The following CIC variants were observed in gnomAD, a reference collection of about 807,000 sequenced individuals.
CIC encodes capicua transcriptional repressor.
CIC carries 18 observed loss-of-function variants against 115.7 expected under a neutral mutation model. That is an observed-to-expected ratio of 0.16 (90% CI 0.11 to 0.23). The LOEUF is 0.23. CIC is among the 10% of genes least tolerant of loss of function. The probability of loss-of-function intolerance (pLI) is 1.00; values close to 1 mark genes in which losing one functional copy is unlikely to be tolerated. For missense variants in CIC, 2,000 were observed against 2,159.3 expected (o/e 0.93, Z 1.46); for synonymous variants, 1,076 against 923.0 (o/e 1.17, Z -3.01).
chr19:42,293,284 G>A lies in CIC; in HGVS notation c.6522+3G>A, dbSNP rs1268810713. On this transcript the variant is annotated splice_donor_region_variant and intron_variant, in intron 16 of 20. Transcript: ENST00000681038. Reference sequence around the variant, plus strand: ...GCGCCAAGGGCCCTGAGACCATGGTGAGCGCCTGCAGGCCGTGGGGCTCCC... The same window carrying A: ...GCGCCAAGGGCCCTGAGACCATGGTAAGCGCCTGCAGGCCGTGGGGCTCCC... 2.6e-6 allele frequency: 4 copies of A among 1,568,590 alleles called. No homozygotes were observed. The highest frequency in any genetic ancestry group is 3.4e-6 in the Non-Finnish European group (4 of 1,160,250).
intron 2 of CIC, among the ~76,000 whole-genome samples, chr19:42,283,032 T>C (rs1263333138): frequency 6.6e-6 from 1 of 152,126 alleles, no homozygotes; most frequent in Non-Finnish European, 1.5e-5. Context: ...CGGTGGCCAC[T>C]GAGCTCTGTA....
Position 42,291,445 on chromosome 19 carries a change from C to T in CIC, c.5404C>T (p.Pro1802Ser), listed in dbSNP as rs142397024. The change falls in exon 11 of 21, where the codon CCC becomes TCC. Residue 1802 changes from proline (P) to serine (S), a missense_variant. Physicochemically the swap from Pro to Ser is moderately conservative, Grantham distance 74 (BLOSUM62 -1). Around this residue, in one of 8 missense-constraint regions of CIC, gnomAD observed 1,466 missense variants for 1,390.4 expected, o/e 1.05. Transcript: ENST00000681038. ...TGGCATCCCCATCCTGCAGTCTGTA[C>T]CCTCCGCCCCACCCCCCAAAGGTGA... ...TPGIPILQSVPSAPPPKAQSV... is the reference protein window; with the variant it reads ...TPGIPILQSVSSAPPPKAQSV... 1.1e-4 allele frequency: 185 copies of T among 1,613,080 alleles called. No homozygotes were observed. The African/African-American group carries it at 2.2e-3, about 19-fold the overall frequency.
intron 9 of CIC, 72 bp downstream of exon 9, chr19:42,289,478 G>C: frequency 6.8e-7 from 1 of 1,480,518 alleles, no homozygotes; most frequent in East Asian, 2.5e-5. Context: ...GCAGAACTTG[G>C]ATCCAGGCCC....
intron 2 of CIC, among the ~76,000 whole-genome samples, chr19:42,275,112 T>C (rs553089384): frequency 6.6e-6 from 1 of 152,328 alleles, no homozygotes; most frequent in South Asian, 2.1e-4. Context: ...GGTCATAATT[T>C]GTCCAGGGTT....
At position 42,280,667 on chromosome 19, in the gene CIC, G is replaced by A. The variant is rs1226134804; in HGVS notation, c.2794+6090G>A. Among the ~76,000 whole-genome samples the A allele has an allele frequency of 3.3e-5, 5 of 152,102 alleles. No homozygotes were observed. Among genetic ancestry groups the A allele is most frequent in the Admixed American group, 6.5e-5 (1 of 15,280 alleles). ...GGCCCGCGTGGGTGTCAGGCCGGCC[G>A]GGCACCCGTCCGCCCTCCCTGCACA... On this transcript the variant is annotated intron_variant, in intron 2 of 20. Coordinates refer to ENST00000681038, the MANE Select transcript of CIC (RefSeq NM_001386298.1). The surrounding 1 kb of genome is among the most constrained non-coding windows in gnomAD (Gnocchi z 4.9).
Position 42,288,914 on chromosome 19 carries a change from G to T in CIC, c.3685G>T (p.Ala1229Ser), listed in dbSNP as rs1243910949. The T allele has an allele frequency of 1.2e-6, 2 of 1,614,106 alleles. No individual in the cohort carries two copies. Among genetic ancestry groups the T allele is most frequent in the Non-Finnish European group, 8.5e-7 (1 of 1,180,038 alleles). ...GTCCTCTGAGCTCCTGTCCGTTGCAGCCCAGACACTCCTGAGCTCAGACAC... is the reference window on the plus strand; with the variant it reads ...GTCCTCTGAGCTCCTGTCCGTTGCATCCCAGACACTCCTGAGCTCAGACAC... The part of the protein sequence containing the change: ...GVSSELLSVA[A>S]QTLLSSDTKA... Residue 1229 changes from alanine (A) to serine (S), a missense_variant, in exon 8 of 21, where the codon GCC (alanine) becomes TCC (serine). Coordinates refer to ENST00000681038, the MANE Select transcript of CIC (RefSeq NM_001386298.1).
upstream of CIC, among the ~76,000 whole-genome samples, chr19:42,268,800 T>C (rs191530095): frequency 5.9e-5 from 9 of 152,212 alleles, no homozygotes; most frequent in African/African-American, 1.2e-4. Context: ...GACTAGCCGG[T>C]CAACAAACGT....
intron 9 of CIC, 61 bp from the exon 10 acceptor site, chr19:42,289,787 G>A: frequency 7.2e-7 from 1 of 1,382,504 alleles, no homozygotes; most frequent in Non-Finnish European, 1.0e-6. Flanking sequence ...GCTCCAGACT[G>A]TTTCTCCTGG....
At chr19:42,277,943 A>G (rs1351681397) in intron 2 of CIC, among the ~76,000 whole-genome samples, 12 of 152,330 alleles carry the variant, frequency 7.9e-5, no homozygotes, top group East Asian at 1.9e-4. Context: ...CCTTCTCCCC[A>G]TGGGGCCCAG....
rs1465313967 is a variant in CIC at position 42,289,925 on chromosome 19, T to C, written c.4165T>C (p.Ser1389Pro). ...GACCGACAGCGAGAGTGGGGACAGC[T>C]CTGGGGAGGACCCAGAGGGCAACAA... is the stretch of plus-strand genomic sequence containing the variant. ...RVTDSESGDS[S>P]GEDPEGNKGF... is the part of the protein sequence containing the mutation. The change falls in exon 10 of 21, where the codon TCT becomes CCT. Residue 1389 changes from serine to proline, a missense_variant. By Grantham distance (74) the Ser-to-Pro change is moderately conservative (BLOSUM62 -1). This residue lies in a region of CIC where 1,466 missense variants were observed against 1,390.4 expected (regional missense o/e 1.05). Transcript: ENST00000681038. The C allele has an allele frequency of 6.2e-7, 1 of 1,608,398 alleles. No individual in the cohort carries two copies. Among genetic ancestry groups the C allele is most frequent in the Admixed American group, 1.7e-5 (1 of 59,082 alleles).
chr19:42,289,276 G>A lies in CIC; in HGVS notation c.3957G>A (p.Leu1319=), dbSNP rs1380031267. 2 of 1,613,786 alleles carry A rather than the reference G, an allele frequency of 1.2e-6. No homozygotes were observed. Among genetic ancestry groups the A allele is most frequent in the African/African-American group, 2.7e-5 (2 of 75,056 alleles). Residue 1319 remains leucine, a synonymous_variant, in exon 9 of 21, where the codon TTG becomes TTA. Coordinates refer to ENST00000681038, the MANE Select transcript of CIC (RefSeq NM_001386298.1). ...PFAAPGEGGA[L]AATGRPPLLP... ...CAGCCCCTGGTGAGGGAGGTGCCTTGGCGGCCACTGGGCGGCCCCCGCTGC... is the reference window on the plus strand; with the variant it reads ...CAGCCCCTGGTGAGGGAGGTGCCTTAGCGGCCACTGGGCGGCCCCCGCTGC...
In CIC at chr19:42,291,614, C is replaced by T. The variant is rs1568519274; in HGVS notation, c.5482C>T (p.Pro1828Ser). The T allele has an allele frequency of 1.9e-6, 3 of 1,613,020 alleles. No individual in the cohort carries two copies. The highest frequency in any genetic ancestry group is 2.5e-6 in the Non-Finnish European group (3 of 1,180,006). ...CCCGGGTGGCTCAGCCCAGCTGCTG[C>T]CTGGGAAGGTCCTAGTGCCTCTGGC... The part of the protein sequence containing the change: ...PPPGGSAQLL[P>S]GKVLVPLAAP... The change falls in exon 12 of 21, where the codon CCT (proline) becomes TCT (serine). Residue 1828 changes from proline to serine, a missense_variant. This residue lies in a region of CIC where 1,466 missense variants were observed against 1,390.4 expected (regional missense o/e 1.05). Coordinates refer to ENST00000681038, the MANE Select transcript of CIC (RefSeq NM_001386298.1).
rs1026417482 is a variant in CIC at position 42,280,589 on chromosome 19, C to G, written c.2794+6012C>G. Among the ~76,000 whole-genome samples, 5 of 152,096 alleles carry G rather than the reference C, an allele frequency of 3.3e-5. No individual in the cohort carries two copies. Among genetic ancestry groups the G allele is most frequent in the African/African-American group, 1.2e-4 (5 of 41,428 alleles). On this transcript the variant is annotated intron_variant, in intron 2 of 20. Transcript: ENST00000681038. The surrounding 1 kb of genome is among the most constrained non-coding windows in gnomAD (Gnocchi z 4.9). ...CCGCGTCCTCGGGCTGGGTGGGGTA[C>G]CCTCCCTCCCACCGCAGACAGCTCG...
In CIC at chr19:42,289,914, G is replaced by A. The variant is rs1464983496; in HGVS notation, c.4154G>A (p.Ser1385Asn). The A allele has an allele frequency of 6.2e-7, 1 of 1,610,086 alleles. No individual in the cohort carries two copies. Among genetic ancestry groups the A allele is most frequent in the African/African-American group, 1.3e-5 (1 of 74,894 alleles). ...AAGGAGCGGGTGACCGACAGCGAGA[G>A]TGGGGACAGCTCTGGGGAGGACCCA... ...KCKERVTDSE[S>N]GDSSGEDPEG... The change falls in exon 10 of 21, where the codon AGT becomes AAT. Residue 1385 changes from serine (S) to asparagine (N), a missense_variant. Ser to Asn is a conservative substitution (Grantham distance 46). Around this residue, in one of 8 missense-constraint regions of CIC, gnomAD observed 1,466 missense variants for 1,390.4 expected, o/e 1.05. Transcript: ENST00000681038.
At chr19:42,289,495 C>A in intron 9 of CIC, 89 bp downstream of exon 9, 25 of 1,395,912 alleles carry the variant, frequency 1.8e-5, no homozygotes, top group Non-Finnish European at 2.5e-5. Flanking sequence ...GCCCCTAGGC[C>A]CCTTTGTTTT....
rs754556504 is a variant in CIC, at chr19:42,287,168, C to G, written c.3107C>G (p.Thr1036Arg). ...VESGKGPPPTTEEEASGPPGE... is the reference protein window; with the variant it reads ...VESGKGPPPTREEEASGPPGE... ...TCTGGTAAGGGTCCGCCTCCCACCA[C>G]GGAGGAGGAGGCCTCCGGCCCCCCA... The change falls in exon 4 of 21, where the codon ACG (threonine) becomes AGG (arginine). Residue 1036 changes from threonine to arginine, a missense_variant. Thr to Arg is a moderately conservative substitution (Grantham distance 71). Around this residue, in one of 8 missense-constraint regions of CIC, gnomAD observed 222 missense variants for 247.7 expected, o/e 0.90. Coordinates refer to ENST00000681038, the MANE Select transcript of CIC (RefSeq NM_001386298.1). This position sits in a 1 kb window ranked among gnomAD's most constrained non-coding sequence, Gnocchi z 8.7. 2 of 1,613,392 alleles carry G rather than the reference C, an allele frequency of 1.2e-6. No homozygotes were observed. Among genetic ancestry groups the G allele is most frequent in the Admixed American group, 1.7e-5 (1 of 59,992 alleles).
rs1374423042 is a variant in CIC at position 42,274,153 on chromosome 19, C to T, written c.2370C>T (p.Gly790=). 5.0e-6 allele frequency: 2 copies of T among 399,234 alleles called. No individual in the cohort carries two copies. The highest frequency in any genetic ancestry group is 8.8e-6 in the Non-Finnish European group (2 of 226,516). The allele number at this position is 399,234 out of a possible 1,614,324, so 24.7% of individuals were successfully genotyped here. Reference sequence around the variant, plus strand: ...TGCTGCTGTTGCCACCCCCTGCCGGCCTGACCTCGGATCCAGGGCCCTCTG... The same window carrying T: ...TGCTGCTGTTGCCACCCCCTGCCGGTCTGACCTCGGATCCAGGGCCCTCTG... The part of the protein sequence containing the change: ...SPLLLLPPPA[G]LTSDPGPSVR... Residue 790 remains glycine, a synonymous_variant, in exon 2 of 21, where the codon GGC becomes GGT. Transcript: ENST00000681038.
intron 12 of CIC, 141 bp downstream of exon 12, chr19:42,291,886 C>A: frequency 7.7e-7 from 1 of 1,301,628 alleles, no homozygotes; most frequent in Non-Finnish European, 1.1e-6. Flanking sequence ...TCTGTGCATC[C>A]TGACTCTCTC....
rs2147334286 is a variant in CIC at position 42,293,756 on chromosome 19, G to A, written c.6687G>A (p.Glu2229=). 1 of 1,612,850 alleles carries A rather than the reference G, an allele frequency of 6.2e-7. No homozygotes were observed. The highest frequency in any genetic ancestry group is 8.5e-7 in the Non-Finnish European group (1 of 1,179,792). Residue 2229 remains glutamate (E), a synonymous_variant, in exon 17 of 21, where the codon GAG becomes GAA. Coordinates refer to ENST00000681038, the MANE Select transcript of CIC (RefSeq NM_001386298.1). ...GGCGGGCAGCCGGGGACACCCCGGA[G>A]CGCAAGGAGGCGGCTGGTACTGGCA... The part of the protein sequence containing the change: ...SSGRAAGDTP[E]RKEAAGTGKK...
Sources: allele counts gnomAD v4.1 joint callset (sites outside exome capture counted in the v4.1 genomes callset), GRCh38; gene constraint gnomAD v4.1.1; regional missense constraint gnomAD v4.1.1; non-coding constraint Gnocchi (gnomAD v3.1); transcripts MANE v1.5; gene names NCBI Gene and HGNC (gene_info 2026-07-23, HGNC 2026-07-21).